The following SLC8A1 variants were observed in gnomAD, a reference collection of about 807,000 sequenced individuals.
SLC8A1 encodes sodium/calcium exchanger 1.
In SLC8A1, 18 loss-of-function variants were observed where a neutral mutation model predicts 68.3. That is an observed-to-expected ratio of 0.26 (90% CI 0.18 to 0.39). SLC8A1 has a LOEUF of 0.39. Ranked by LOEUF, SLC8A1 falls within the 10% of genes least tolerant of loss-of-function variation. SLC8A1 has a pLI of 1.00. For missense variants in SLC8A1, 985 were observed against 1,156.7 expected (o/e 0.85, Z 2.15); for synonymous variants, 475 against 415.5 (o/e 1.14, Z -1.74).
chr2:40,200,243 T>TATAA, intron 2 of SLC8A1, among the ~76,000 whole-genome samples: 2 of 15,386 alleles, frequency 1.3e-4, no homozygotes, highest in African/African-American at 3.3e-4. Flanking sequence ...TATATAAATA[T>TATAA]ATATATATAT....
chr2:40,145,026 T>C (rs1042202280), intron 6 of SLC8A1, among the ~76,000 whole-genome samples: 2 of 152,148 alleles, frequency 1.3e-5, no homozygotes, highest in African/African-American at 4.8e-5. Context: ...TGTGCATCCT[T>C]CCTATCTGCT....
At chr2:40,467,837 C>T (rs1373319350) in intron 1 of SLC8A1, among the ~76,000 whole-genome samples, 1 of 152,160 alleles carries the variant, frequency 6.6e-6, no homozygotes, top group Non-Finnish European at 1.5e-5. Context: ...CCTTTGCAAT[C>T]TTCACAAAGT....
intron 2 of SLC8A1, among the ~76,000 whole-genome samples, chr2:40,381,685 C>T (rs1027062338): frequency 6.6e-6 from 1 of 151,662 alleles, no homozygotes; most frequent in African/African-American, 2.4e-5. Flanking sequence ...GTTGACTCTC[C>T]CAGTCTTAAA....
At chr2:40,371,194 A>C (rs1677922463) in intron 2 of SLC8A1, among the ~76,000 whole-genome samples, 1 of 152,126 alleles carries the variant, frequency 6.6e-6, no homozygotes, top group African/African-American at 2.4e-5. Flanking sequence ...AGGTGTTCAC[A>C]GGAAAGTCTA....
chr2:40,405,627 G>C (rs891292697), intron 2 of SLC8A1, among the ~76,000 whole-genome samples: 3 of 152,238 alleles, frequency 2.0e-5, no homozygotes, highest in South Asian at 2.1e-4. Context: ...TTTATGGTTG[G>C]TTTGTGTGTG....
exon 8 of SLC8A1, chr2:40,111,689 G>C (rs183030775): frequency 6.6e-6 from 1 of 152,066 alleles, no homozygotes; most frequent in African/African-American, 2.4e-5. Context: ...GATATATGAA[G>C]TTAATAAGAT....
At chr2:40,295,575 T>C (rs2070214313) in intron 2 of SLC8A1, among the ~76,000 whole-genome samples, 1 of 152,170 alleles carries the variant, frequency 6.6e-6, no homozygotes, top group Admixed American at 6.5e-5. Context: ...ATTAGCATCA[T>C]ACAGAAAGTC....
chr2:40,311,234 T>C (rs1284879020), intron 2 of SLC8A1, among the ~76,000 whole-genome samples: 1 of 152,080 alleles, frequency 6.6e-6, no homozygotes, highest in Non-Finnish European at 1.5e-5. Context: ...TAAAAAACAC[T>C]TGGTGTTCAA....
chr2:40,396,653 C>G (rs911468359), intron 2 of SLC8A1, among the ~76,000 whole-genome samples: 1 of 146,644 alleles, frequency 6.8e-6, no homozygotes, highest in African/African-American at 2.6e-5. Context: ...TTCTGTAATC[C>G]TATGTTTCTT....
At chr2:40,453,865 C>A (rs1008448711), upstream of SLC8A1, among the ~76,000 whole-genome samples, 9 of 152,292 alleles carry the variant, frequency 5.9e-5, no homozygotes, top group Admixed American at 2.0e-4. Context: ...GGTCTGTTGC[C>A]AGCAGTCTTG....
intron 2 of SLC8A1, among the ~76,000 whole-genome samples, chr2:40,199,489 G>C (rs922879530): frequency 6.6e-6 from 1 of 151,366 alleles, no homozygotes; most frequent in Non-Finnish European, 1.5e-5. Context: ...GCAACCAATA[G>C]GATTTATTTT....
chr2:40,459,464 C>T (rs79984194), intron 1 of SLC8A1, among the ~76,000 whole-genome samples: 3,669 of 152,122 alleles, frequency 0.024, 100 homozygotes, highest in Non-Finnish European at 0.029. Context: ...TTATCAGGGT[C>T]AGCAGCAGAG....
At chr2:40,204,280 T>TA (rs1396542399) in intron 2 of SLC8A1, among the ~76,000 whole-genome samples, 2 of 152,078 alleles carry the variant, frequency 1.3e-5, no homozygotes, top group East Asian at 3.9e-4. Context: ...TGTATGTTTA[T>TA]AAAAAATTCA....
At chr2:40,148,250 G>A (rs1431947105) in intron 6 of SLC8A1, among the ~76,000 whole-genome samples, 1 of 152,156 alleles carries the variant, frequency 6.6e-6, no homozygotes, top group Admixed American at 6.5e-5. Flanking sequence ...TTAAAAAAAT[G>A]CATCTTTATG....
intron 2 of SLC8A1, among the ~76,000 whole-genome samples, chr2:40,254,121 A>AAACATCACACATACTCTACTCT (rs2063470213): frequency 6.6e-6 from 1 of 152,190 alleles, no homozygotes; most frequent in Admixed American, 6.5e-5. Flanking sequence ...GCATGTATCA[A>AAACATCACACATACTCTACTCT]AGCATCACAC....
chr2:40,105,262 T>C (rs946429964), exon 8 of SLC8A1: 3 of 152,236 alleles, frequency 2.0e-5, no homozygotes, highest in Non-Finnish European at 2.9e-5. Flanking sequence ...CCCTCCTCTG[T>C]AACCCAGCAG....
At chr2:40,319,985 A>G (rs1458164117) in intron 2 of SLC8A1, among the ~76,000 whole-genome samples, 1 of 152,032 alleles carries the variant, frequency 6.6e-6, no homozygotes, top group Non-Finnish European at 1.5e-5. Context: ...GGATTATGGC[A>G]CCTCCCTTTT....
At chr2:40,464,136 C>G (rs191621908) in intron 1 of SLC8A1, among the ~76,000 whole-genome samples, 4 of 152,166 alleles carry the variant, frequency 2.6e-5, no homozygotes, top group African/African-American at 4.8e-5. Flanking sequence ...TTCAGGTGAT[C>G]CATTCACCTC....
chr2:40,395,723 G>T (rs1482074402), intron 2 of SLC8A1, among the ~76,000 whole-genome samples: 1 of 152,086 alleles, frequency 6.6e-6, no homozygotes, highest in African/African-American at 2.4e-5. Flanking sequence ...AGAGTGATAA[G>T]AACTCAAAAT....
Sources: gnomAD v4.1 joint callset for allele counts (sites outside exome capture counted in the v4.1 genomes callset) on GRCh38, gnomAD v4.1.1 for gene constraint, MANE v1.5 for transcripts, NCBI Gene and HGNC (gene_info 2026-07-23, HGNC 2026-07-21) for gene names.